Variants in ZNF516 observed in about 807,000 individuals in gnomAD.
ZNF516 encodes the protein zinc finger protein 516.
A neutral mutation model predicts 79.7 loss-of-function variants in ZNF516; 19 were observed. The observed-to-expected ratio is 0.24, with a 90% CI of 0.17 to 0.35. The LOEUF is 0.35. Ranked by LOEUF, ZNF516 falls within the 10% of genes least tolerant of loss-of-function variation. The pLI is 1.00. For missense variants in ZNF516, 1,678 were observed against 1,679.5 expected (o/e 1.00, Z 0.02); for synonymous variants, 877 against 739.5 (o/e 1.19, Z -3.02).
chr18:76,438,200 G>A (rs1320261334), intron 3 of ZNF516, among the ~76,000 whole-genome samples: 1 of 152,218 alleles, frequency 6.6e-6, no homozygotes, highest in Non-Finnish European at 1.5e-5. Flanking sequence ...TTCCAGAGAT[G>A]TGCAGCCTCT....
intron 3 of ZNF516, among the ~76,000 whole-genome samples, chr18:76,440,768 A>ACG (rs1491007334): frequency 3.0e-4 from 41 of 138,118 alleles, no homozygotes; most frequent in South Asian, 4.4e-4. Context: ...GTGTGCGCGC[A>ACG]CGCGCGCATG....
upstream of ZNF516, chr18:76,495,375 G>C (rs1599180178): frequency 1.4e-5 from 2 of 145,958 alleles, no homozygotes; most frequent in African/African-American, 4.9e-5. Flanking sequence ...GCCCCGGCGC[G>C]AGCCGGGCTC....
intron 2 of ZNF516, among the ~76,000 whole-genome samples, chr18:76,452,454 C>G (rs1479107942): frequency 6.6e-6 from 1 of 152,220 alleles, no homozygotes; most frequent in Non-Finnish European, 1.5e-5. Flanking sequence ...AGTACGCGAA[C>G]TCTGATCCTT....
intron 1 of ZNF516, among the ~76,000 whole-genome samples, chr18:76,481,818 G>A (rs1354944841): frequency 1.3e-5 from 2 of 152,174 alleles, no homozygotes; most frequent in African/African-American, 4.8e-5. Context: ...TAAGTCATTA[G>A]TAATGAAAAT....
chr18:76,399,772 C>T (rs2075193740), intron 3 of ZNF516, among the ~76,000 whole-genome samples: 1 of 152,154 alleles, frequency 6.6e-6, no homozygotes, highest in Non-Finnish European at 1.5e-5. Flanking sequence ...TTGAACATAG[C>T]TCTGGGTGAC....
In ZNF516 at chr18:76,442,609, C is replaced by A; in HGVS notation, c.446G>T (p.Gly149Val). 1 of 1,596,868 alleles carries A rather than the reference C, an allele frequency of 6.3e-7. No individual in the cohort carries two copies. The highest frequency in any genetic ancestry group is 8.5e-7 in the Non-Finnish European group (1 of 1,178,652). Reference protein sequence around the residue: ...VLNGASQADSGRVLLRSSKKG... With the variant: ...VLNGASQADSVRVLLRSSKKG... ...CTTGCTGCTCCGCAGCAGGACTCTG[C>A]CGCTGTCGGCCTGCGAGGCCCCGTT... is the stretch of plus-strand genomic sequence containing the variant. The change falls in exon 3 of 7, where the codon GGC becomes GTC. Residue 149 changes from glycine (G) to valine (V), a missense_variant. By Grantham distance (109) the Gly-to-Val change is moderately radical. Transcript: ENST00000443185.
intron 6 of ZNF516, among the ~76,000 whole-genome samples, chr18:76,363,193 C>T (rs1157086265): frequency 1.3e-5 from 2 of 152,208 alleles, no homozygotes; most frequent in African/African-American, 2.4e-5. Flanking sequence ...TTTGAAGCAT[C>T]CCTGTTTGAA....
chr18:76,477,227 T>C (rs559213980), intron 1 of ZNF516, among the ~76,000 whole-genome samples: 1 of 152,304 alleles, frequency 6.6e-6, no homozygotes, highest in East Asian at 1.9e-4. Context: ...GATACTGCAA[T>C]TCCACAAGTC....
intron 4 of ZNF516, among the ~76,000 whole-genome samples, chr18:76,372,517 T>TA (rs372054066): frequency 2.0e-5 from 3 of 152,226 alleles, no homozygotes; most frequent in African/African-American, 7.2e-5. Context: ...GCTGAGTTTT[T>TA]ATGTATCTAA....
chr18:76,384,490 G>T (rs1270456958), intron 3 of ZNF516, among the ~76,000 whole-genome samples: 3 of 92,114 alleles, frequency 3.3e-5, no homozygotes, highest in African/African-American at 1.3e-4. Flanking sequence ...CTTTCTCCAT[G>T]GCCCCCATAC....
At position 76,360,035 on chromosome 18, in the gene ZNF516, A is replaced by ACCTT. The variant is rs1233765553; in HGVS notation, c.*2459_*2462dup. 1 of 151,924 alleles carries ACCTT rather than the reference A, an allele frequency of 6.6e-6. No individual in the cohort carries two copies. Among genetic ancestry groups the ACCTT allele is most frequent in the Non-Finnish European group, 1.5e-5 (1 of 68,002 alleles). 9.4% of individuals were successfully genotyped at this position (151,924 alleles called of 1,614,324 possible). A position where few individuals can be genotyped will look rare whatever the true frequency, so the allele number is the denominator to read the frequency against. ...CCCCAGTCTGTTTAACTGGGTGAAA[A>ACCTT]CCTTCCTCCTGCACTCTGTGCACCC... is the stretch of plus-strand genomic sequence containing the variant. On this transcript the variant is annotated 3_prime_UTR_variant, in exon 7 of 7. Coordinates refer to ENST00000443185, the MANE Select transcript of ZNF516 (RefSeq NM_014643.4).
At chr18:76,373,876 C>A (rs1230045623) in intron 4 of ZNF516, among the ~76,000 whole-genome samples, 1 of 152,252 alleles carries the variant, frequency 6.6e-6, no homozygotes, top group Non-Finnish European at 1.5e-5. Context: ...CCGAGTCAAT[C>A]ACAAAGGTTA....
intron 2 of ZNF516, among the ~76,000 whole-genome samples, chr18:76,456,738 T>TG (rs1912748861): frequency 1.4e-4 from 1 of 7,018 alleles, no homozygotes; most frequent in African/African-American, 6.6e-4. Flanking sequence ...CTGATTCACA[T>TG]GGGGGCTGGG....
At chr18:76,427,676 T>C (rs139239836) in intron 3 of ZNF516, among the ~76,000 whole-genome samples, 1 of 152,204 alleles carries the variant, frequency 6.6e-6, no homozygotes, top group African/African-American at 2.4e-5. Context: ...AAAGACTTCA[T>C]AAAGTAAAAC....
At chr18:76,477,576 C>T (rs1347066266) in intron 1 of ZNF516, among the ~76,000 whole-genome samples, 5 of 152,160 alleles carry the variant, frequency 3.3e-5, no homozygotes, top group Non-Finnish European at 7.4e-5. Flanking sequence ...TTCTTTGTGG[C>T]ACTTTTAAAT....
chr18:76,401,026 C>A (rs1420710630), intron 3 of ZNF516, among the ~76,000 whole-genome samples: 1 of 151,670 alleles, frequency 6.6e-6, no homozygotes, highest in African/African-American at 2.4e-5. Flanking sequence ...TTCCTCTTCT[C>A]TCCTATTTTT....
intron 3 of ZNF516, among the ~76,000 whole-genome samples, chr18:76,410,897 C>T (rs976885058): frequency 2.0e-5 from 3 of 152,332 alleles, no homozygotes; most frequent in Middle Eastern, 6.8e-3. Context: ...CCTACACACT[C>T]AACTTTCTAA....
At chr18:76,383,804 T>C (rs926342691) in intron 3 of ZNF516, among the ~76,000 whole-genome samples, 4 of 152,240 alleles carry the variant, frequency 2.6e-5, no homozygotes, top group Non-Finnish European at 4.4e-5. Context: ...GCTCCCCGCA[T>C]TCATCATCAG....
At chr18:76,445,974 T>TGCCAGCAGCTGTGC (rs1297557019) in intron 2 of ZNF516, among the ~76,000 whole-genome samples, 2 of 152,232 alleles carry the variant, frequency 1.3e-5, no homozygotes, top group African/African-American at 4.8e-5. Context: ...GCCAGCTGTG[T>TGCCAGCAGCTGTGC]GCCAGCAGCT....
Sources: gnomAD v4.1 joint callset for allele counts (sites outside exome capture counted in the v4.1 genomes callset) on GRCh38, gnomAD v4.1.1 for gene constraint, MANE v1.5 for transcripts, NCBI Gene and HGNC (gene_info 2026-07-23, HGNC 2026-07-21) for gene names.